The following SHISAL1 variants were observed in gnomAD, a reference collection of about 807,000 sequenced individuals.
SHISAL1 encodes the protein shisa like 1, also known as protein shisa-like-1.
In SHISAL1, 9 loss-of-function variants were observed where a neutral mutation model predicts 22.6. The ratio of observed to expected loss-of-function variants is 0.40; its 90% CI spans 0.24 to 0.70. SHISAL1 has a LOEUF of 0.70. SHISAL1 is among the 30% of genes least tolerant of loss of function. The probability of loss-of-function intolerance (pLI) is 0.39; values close to 1 mark genes in which losing one functional copy is unlikely to be tolerated. For synonymous variants in SHISAL1, 119 were observed against 115.4 expected, an observed-to-expected ratio of 1.03 and a Z score of -0.20; for missense variants, 246 against 270.6, an observed-to-expected ratio of 0.91 and a Z score of 0.64.
At chr22:44,264,099 C>T (rs1057103523) in intron 4 of SHISAL1, among the ~76,000 whole-genome samples, 4 of 152,180 alleles carry the variant, frequency 2.6e-5, no homozygotes, top group African/African-American at 9.7e-5. Flanking sequence ...GCAAAGGGCA[C>T]AGATCCAGGC....
intron 1 of SHISAL1, among the ~76,000 whole-genome samples, chr22:44,306,814 C>T (rs1601806351): frequency 3.9e-5 from 5 of 128,542 alleles, no homozygotes; most frequent in South Asian, 2.6e-4. Context: ...ATGACGACGG[C>T]GTGTGTGGAG....
chr22:44,307,375 T>G (rs1262369963), intron 1 of SHISAL1, among the ~76,000 whole-genome samples: 1 of 152,004 alleles, frequency 6.6e-6, no homozygotes, highest in Non-Finnish European at 1.5e-5. Flanking sequence ...CTCAGAGAGG[T>G]GAAGTGACTT....
chr22:44,266,593 G>A (rs1360867958), intron 4 of SHISAL1, among the ~76,000 whole-genome samples: 1 of 149,830 alleles, frequency 6.7e-6, no homozygotes, highest in Non-Finnish European at 1.5e-5. Context: ...TGTGTTGGAG[G>A]CTCTGGTGTG....
intron 3 of SHISAL1, among the ~76,000 whole-genome samples, chr22:44,294,429 A>G (rs2055372756): frequency 6.6e-6 from 1 of 152,094 alleles, no homozygotes; most frequent in Non-Finnish European, 1.5e-5. Context: ...CTTGCAACCC[A>G]CCACCTCCCT....
the SHISAL1 span, among the ~76,000 whole-genome samples, chr22:44,318,160 C>T: frequency 2.0e-5 from 3 of 152,274 alleles, no homozygotes; most frequent in African/African-American, 7.2e-5. Context: ...GTCCTCTCTG[C>T]AGGCCCGATG....
intron 1 of SHISAL1, among the ~76,000 whole-genome samples, chr22:44,304,059 C>T (rs1302782335): frequency 6.6e-6 from 1 of 152,214 alleles, no homozygotes; most frequent in Admixed American, 6.5e-5. Context: ...AGAAACAAGC[C>T]CCTCTGCATG....
At chr22:44,266,775 C>G (rs1328183337) in intron 4 of SHISAL1, among the ~76,000 whole-genome samples, 3 of 152,080 alleles carry the variant, frequency 2.0e-5, no homozygotes, top group Non-Finnish European at 4.4e-5. Context: ...TGCAAACTCC[C>G]TCATACCCCA....
chr22:44,331,632 G>A, the SHISAL1 span, among the ~76,000 whole-genome samples: 1 of 148,570 alleles, frequency 6.7e-6, no homozygotes, highest in Non-Finnish European at 1.5e-5. The surrounding 1 kb of genome is among the most constrained non-coding windows in gnomAD (Gnocchi z 5.2). Context: ...GGGTTCTGGG[G>A]GCTGCGGGGA....
chr22:44,254,806 G>A (rs1428177349), intron 4 of SHISAL1, among the ~76,000 whole-genome samples: 1 of 150,150 alleles, frequency 6.7e-6, no homozygotes, highest in Non-Finnish European at 1.5e-5. Flanking sequence ...GAAGGTGGAG[G>A]TGACAGCTTG....
intron 1 of SHISAL1, among the ~76,000 whole-genome samples, chr22:44,306,592 A>G (rs13055374): frequency 0.47 from 7,725 of 16,324 alleles, 1,442 homozygotes; most frequent in Middle Eastern, 0.55. Flanking sequence ...TGACGATGGC[A>G]TGTGTGGAGG....
At chr22:44,315,137 A>G (rs1046012180), upstream of SHISAL1, among the ~76,000 whole-genome samples, 4 of 152,154 alleles carry the variant, frequency 2.6e-5, no homozygotes, top group African/African-American at 9.7e-5. Context: ...ACAAACAAGT[A>G]AATAAAGAAG....
intron 4 of SHISAL1, among the ~76,000 whole-genome samples, chr22:44,258,076 G>C (rs1466687813): frequency 6.6e-6 from 1 of 152,190 alleles, no homozygotes; most frequent in Non-Finnish European, 1.5e-5. Flanking sequence ...GGAGGCGGAG[G>C]TTGCGGTGAG....
chr22:44,318,024 C>T, the SHISAL1 span, among the ~76,000 whole-genome samples: 1 of 152,248 alleles, frequency 6.6e-6, no homozygotes, highest in Non-Finnish European at 1.5e-5. Context: ...GACCGAGGGG[C>T]AGAGAGAAGC....
chr22:44,260,855 C>CA (rs1479796405), intron 4 of SHISAL1, among the ~76,000 whole-genome samples: 1 of 152,056 alleles, frequency 6.6e-6, no homozygotes, highest in Non-Finnish European at 1.5e-5. Context: ...GTTGCCCCTG[C>CA]ATGGCAGTCT....
intron 4 of SHISAL1, among the ~76,000 whole-genome samples, chr22:44,272,077 C>A (rs1410766606): frequency 6.6e-6 from 1 of 152,158 alleles, no homozygotes; most frequent in African/African-American, 2.4e-5. Flanking sequence ...ATTATAGGAG[C>A]CACCTCTGAG....
chr22:44,251,245 G>A (rs1050176923), intron 4 of SHISAL1, among the ~76,000 whole-genome samples: 3 of 152,148 alleles, frequency 2.0e-5, no homozygotes, highest in Non-Finnish European at 2.9e-5. Flanking sequence ...TACTGTAGGG[G>A]CTTAATAAAT....
intron 3 of SHISAL1, among the ~76,000 whole-genome samples, chr22:44,293,502 G>A (rs1298433508): frequency 6.6e-6 from 1 of 152,162 alleles, no homozygotes; most frequent in East Asian, 1.9e-4. Flanking sequence ...CCACCATGGA[G>A]GGTGACCTGG....
chr22:44,306,410 G>T (rs1157478863), intron 1 of SHISAL1, among the ~76,000 whole-genome samples: 2 of 145,084 alleles, frequency 1.4e-5, no homozygotes, highest in African/African-American at 5.0e-5. Flanking sequence ...GATGACGATG[G>T]CGTGTGCAGA....
intron 4 of SHISAL1, among the ~76,000 whole-genome samples, chr22:44,273,403 C>G (rs2055218061): frequency 6.6e-6 from 1 of 152,204 alleles, no homozygotes; most frequent in African/African-American, 2.4e-5. Flanking sequence ...GTCACCGGCA[C>G]AGATGATGGT....
Sources: allele counts gnomAD v4.1 joint callset (sites outside exome capture counted in the v4.1 genomes callset), GRCh38; gene constraint gnomAD v4.1.1; non-coding constraint Gnocchi (gnomAD v3.1); transcripts MANE v1.5; gene names NCBI Gene and HGNC (gene_info 2026-07-23, HGNC 2026-07-21).